The following DAPK1 variants were observed in gnomAD, a reference collection of about 807,000 sequenced individuals.
DAPK1 encodes death associated protein kinase 1, also known as death-associated protein kinase 1.
Under a neutral mutation model 144.9 loss-of-function variants are expected in DAPK1, and 56 were observed. That is an observed-to-expected ratio of 0.39 (90% CI 0.31 to 0.48). The LOEUF (loss-of-function observed/expected upper bound fraction) is 0.48. DAPK1 is among the 20% of genes least tolerant of loss of function. The pLI, the probability that DAPK1 is intolerant of heterozygous loss-of-function variation, is 0.95. For synonymous variants in DAPK1, 690 were observed against 749.0 expected (o/e 0.92, Z 1.29); for missense variants, 1,454 against 1,875.4 (o/e 0.78, Z 4.15).
chr9:87,528,821 G>A (rs1187983321), intron 2 of DAPK1, among the ~76,000 whole-genome samples: 2 of 145,430 alleles, frequency 1.4e-5, no homozygotes, highest in African/African-American at 5.1e-5. Context: ...GCAGTGAACC[G>A]AGATCGCGCC....
intron 2 of DAPK1, among the ~76,000 whole-genome samples, chr9:87,590,212 T>C (rs1031405623): frequency 6.6e-6 from 1 of 152,124 alleles, no homozygotes; most frequent in Non-Finnish European, 1.5e-5. Context: ...AGATTGCTTC[T>C]GCCACACTGT....
intron 2 of DAPK1, among the ~76,000 whole-genome samples, chr9:87,562,843 G>A (rs557848876): frequency 6.6e-6 from 1 of 152,352 alleles, no homozygotes; most frequent in Admixed American, 6.5e-5. Flanking sequence ...CTATTGCAGA[G>A]CAAAGACAAT....
intron 20 of DAPK1, 151 bp downstream of exon 20, chr9:87,681,777 T>A: frequency 1.5e-6 from 1 of 659,622 alleles, no homozygotes; most frequent in South Asian, 1.7e-5. Context: ...CCAGGTTGGC[T>A]GGTAGCCTTG....
chr9:87,524,592 C>T (rs936989975), intron 2 of DAPK1, among the ~76,000 whole-genome samples: 3 of 152,190 alleles, frequency 2.0e-5, no homozygotes, highest in African/African-American at 7.2e-5. Context: ...TGTGAATGCG[C>T]ATGTTTACAG....
intron 2 of DAPK1, among the ~76,000 whole-genome samples, chr9:87,580,686 T>C (rs1020655679): frequency 1.3e-5 from 2 of 152,192 alleles, no homozygotes; most frequent in African/African-American, 4.8e-5. Flanking sequence ...CAGCTCCTAC[T>C]CTGTATGACT....
At chr9:87,544,273 T>C (rs1826157511) in intron 2 of DAPK1, among the ~76,000 whole-genome samples, 3 of 152,204 alleles carry the variant, frequency 2.0e-5, no homozygotes, top group African/African-American at 7.2e-5. Flanking sequence ...AGCAACATAA[T>C]TCATTATCTA....
chr9:87,499,118 A>T lies in DAPK1; in HGVS notation c.41A>T (p.Asp14Val), dbSNP rs1005334852. 1 of 1,613,876 alleles carries T rather than the reference A, an allele frequency of 6.2e-7. No individual in the cohort carries two copies. Among genetic ancestry groups the T allele is most frequent in the African/African-American group, 1.3e-5 (1 of 74,864 alleles). ...CAGGAAAACGTGGATGATTACTACG[A>T]CACCGGCGAGGAACTTGGCAGGTAA... is the stretch of plus-strand genomic sequence containing the variant. ...FRQENVDDYY[D>V]TGEELGSGQF... Residue 14 changes from aspartate (D) to valine (V), a missense_variant, in exon 2 of 26, where the codon GAC becomes GTC. Asp to Val is a radical substitution (Grantham distance 152). Coordinates refer to ENST00000408954, the MANE Select transcript of DAPK1 (RefSeq NM_004938.4).
intron 21 of DAPK1, among the ~76,000 whole-genome samples, chr9:87,687,920 T>C (rs1471389437): frequency 6.6e-6 from 1 of 152,220 alleles, no homozygotes; most frequent in Admixed American, 6.5e-5. Context: ...TTTTTCTCAT[T>C]TACCTGTTGG....
At chr9:87,524,378 T>C (rs1167326749) in intron 2 of DAPK1, among the ~76,000 whole-genome samples, 4 of 152,156 alleles carry the variant, frequency 2.6e-5, no homozygotes, top group Non-Finnish European at 4.4e-5. Context: ...GGCCCTCAGG[T>C]GGTTCCCTCA....
intron 11 of DAPK1, among the ~76,000 whole-genome samples, chr9:87,644,978 A>G (rs1196566849): frequency 6.6e-6 from 1 of 152,238 alleles, no homozygotes; most frequent in Non-Finnish European, 1.5e-5. Flanking sequence ...TTTTATACAA[A>G]TATTACTAAA....
intron 2 of DAPK1, among the ~76,000 whole-genome samples, chr9:87,573,409 C>G (rs36204195): frequency 6.6e-6 from 1 of 152,198 alleles, no homozygotes; most frequent in African/African-American, 2.4e-5. Flanking sequence ...GTGATACTGG[C>G]TTTCTGTTCA....
chr9:87,578,235 T>C (rs1181971040), intron 2 of DAPK1, among the ~76,000 whole-genome samples: 1 of 152,240 alleles, frequency 6.6e-6, no homozygotes, highest in Non-Finnish European at 1.5e-5. Flanking sequence ...CTATATGTCC[T>C]TTTTAATAGA....
chr9:87,707,056 C>G lies in DAPK1; in HGVS notation c.3985C>G (p.Leu1329Val). ...CGACCCCCTGGGGAAGGACTGGTGC[C>G]TTCTCGCCATGAACTTAGGCCTCCC... is the stretch of plus-strand genomic sequence containing the variant. ...PPDPLGKDWC[L>V]LAMNLGLPDL... The change falls in exon 26 of 26, where the codon CTT (leucine) becomes GTT (valine). Residue 1329 changes from leucine (L) to valine (V), a missense_variant. Leu to Val is a conservative substitution (Grantham distance 32). This residue lies in a region of DAPK1 where 1,025 missense variants were observed against 1,237.9 expected (regional missense o/e 0.83). Transcript: ENST00000408954. The surrounding 1 kb of genome is among the most constrained non-coding windows in gnomAD (Gnocchi z 4.0). The G allele has an allele frequency of 6.2e-7, 1 of 1,613,854 alleles. No homozygotes were observed. The highest frequency in any genetic ancestry group is 8.5e-7 in the Non-Finnish European group (1 of 1,179,814).
Position 87,706,045 on chromosome 9 carries a change from G to C in DAPK1, c.3061-87G>C. ...GAGCATCTGCTCAGCCTCTGTTGCC[G>C]GCATCAGGCCCTTTAGTGCTCTAAG... On this transcript the variant is annotated intron_variant, in intron 25 of 25. Transcript: ENST00000408954. This position sits in a 1 kb window ranked among gnomAD's most constrained non-coding sequence, Gnocchi z 9.0. 1.0e-6 allele frequency: 1 copy of C among 953,566 alleles called. No individual in the cohort carries two copies. Among genetic ancestry groups the C allele is most frequent in the Non-Finnish European group, 1.6e-6 (1 of 618,674 alleles). The allele number at this position is 953,566 out of a possible 1,614,324, so 59.1% of individuals were successfully genotyped here.
chr9:87,530,687 G>A (rs979035446), intron 2 of DAPK1, among the ~76,000 whole-genome samples: 1 of 152,106 alleles, frequency 6.6e-6, no homozygotes, highest in Non-Finnish European at 1.5e-5. Context: ...ACCATCTAGG[G>A]AATTCTGACA....
chr9:87,652,113 G>A (rs1830464528), intron 17 of DAPK1, among the ~76,000 whole-genome samples: 1 of 147,986 alleles, frequency 6.8e-6, no homozygotes. Flanking sequence ...CCCGATCCTG[G>A]GTCCTGATTC....
In DAPK1 at chr9:87,665,337, A is replaced by G. The variant is rs565634187; in HGVS notation, c.1924-3260A>G. Among the ~76,000 whole-genome samples, 3 of 152,354 alleles carry G rather than the reference A, an allele frequency of 2.0e-5. No homozygotes were observed. The South Asian group carries it at 6.2e-4, about 32-fold the overall frequency. On this transcript the variant is annotated intron_variant, in intron 18 of 25. Transcript: ENST00000408954. ...GCTAGATGAAAGTATGAAGGAAGGAAGGAAAAAATGAATGGCACCATAGTC... is the reference window on the plus strand; with the variant it reads ...GCTAGATGAAAGTATGAAGGAAGGAGGGAAAAAATGAATGGCACCATAGTC...
In DAPK1 at chr9:87,567,919, A is replaced by G. The variant is rs1011770014; in HGVS notation, c.63-37035A>G. ...GTGTTCACTTTCAGTTTCTTTTAATATTTATAGACACCCCAAAAAGGCTGC... is the reference window on the plus strand; with the variant it reads ...GTGTTCACTTTCAGTTTCTTTTAATGTTTATAGACACCCCAAAAAGGCTGC... On this transcript the variant is annotated intron_variant, in intron 2 of 25. Coordinates refer to ENST00000408954, the MANE Select transcript of DAPK1 (RefSeq NM_004938.4). Among the ~76,000 whole-genome samples the G allele has an allele frequency of 4.6e-5, 7 of 152,276 alleles. No homozygotes were observed. The East Asian group carries it at 1.4e-3, about 29-fold the overall frequency.
intron 2 of DAPK1, among the ~76,000 whole-genome samples, chr9:87,516,921 G>C (rs577730023): frequency 6.6e-6 from 1 of 152,140 alleles, no homozygotes; most frequent in Non-Finnish European, 1.5e-5. Context: ...GGTCAGGTAC[G>C]TACTATCTGG....
Sources: allele counts gnomAD v4.1 joint callset (sites outside exome capture counted in the v4.1 genomes callset), GRCh38; gene constraint gnomAD v4.1.1; regional missense constraint gnomAD v4.1.1; non-coding constraint Gnocchi (gnomAD v3.1); transcripts MANE v1.5; gene names NCBI Gene and HGNC (gene_info 2026-07-23, HGNC 2026-07-21).